The following LRRK1 variants were observed in gnomAD, a reference collection of about 807,000 sequenced individuals.
LRRK1 encodes the protein leucine-rich repeat serine/threonine-protein kinase 1.
LRRK1 carries 113 observed loss-of-function variants against 209.1 expected under a neutral mutation model. The ratio of observed to expected loss-of-function variants is 0.54; its 90% CI spans 0.46 to 0.63. The LOEUF is 0.63. Among genes scored for constraint, LRRK1 ranks in the 30% least tolerant of loss-of-function variants. The probability of loss-of-function intolerance (pLI) is 0.00; values close to 1 mark genes in which losing one functional copy is unlikely to be tolerated. For missense variants in LRRK1, 2,284 were observed against 2,632.2 expected, an observed-to-expected ratio of 0.87 and a Z score of 2.89; for synonymous variants, 1,144 against 1,099.7, an observed-to-expected ratio of 1.04 and a Z score of -0.80.
chr15:101,010,780 T>C lies in LRRK1; in HGVS notation c.1224T>C (p.Ser408=). The change falls in exon 9 of 34, where the codon TCT becomes TCC. Residue 408 remains serine (S), a synonymous_variant. Coordinates refer to ENST00000388948, the MANE Select transcript of LRRK1 (RefSeq NM_024652.6). ...LFLHSFKSLN[S]LNVSRNNLKV... ...TTCACTCTTTCAAGTCCCTCAATTC[T>C]CTGAATGTCTCCAGAAACAACCTGA... is the stretch of plus-strand genomic sequence containing the variant. 6.2e-7 allele frequency: 1 copy of C among 1,614,024 alleles called. No homozygotes were observed. Among genetic ancestry groups the C allele is most frequent in the South Asian group, 1.1e-5 (1 of 91,070 alleles).
rs1232996893 is a variant in LRRK1 at position 101,072,076 on chromosome 15, T to A, written c.*3228T>A. On this transcript the variant is annotated 3_prime_UTR_variant, in exon 34 of 34. Transcript: ENST00000388948. ...AAGCTCCTGGCAGTTTTAAGCAGGA[T>A]TATTAGATGATTCAGTCAACTTTAC... 1 of 152,186 alleles carries A rather than the reference T, an allele frequency of 6.6e-6. No homozygotes were observed. The highest frequency in any genetic ancestry group is 2.4e-5 in the African/African-American group (1 of 41,440). The allele number at this position is 152,186 out of a possible 1,614,324, so 9.4% of individuals were successfully genotyped here. A position where few individuals can be genotyped will look rare whatever the true frequency, so the allele number is the denominator to read the frequency against.
chr15:101,036,377 C>A (rs1452005831), intron 20 of LRRK1, among the ~76,000 whole-genome samples: 1 of 151,892 alleles, frequency 6.6e-6, no homozygotes, highest in Non-Finnish European at 1.5e-5. Flanking sequence ...CTTGATCTAG[C>A]CTATTGTTGA....
At chr15:100,971,421 G>C (rs2030880698) in intron 2 of LRRK1, among the ~76,000 whole-genome samples, 1 of 152,114 alleles carries the variant, frequency 6.6e-6, no homozygotes, top group Non-Finnish European at 1.5e-5. Flanking sequence ...TTTCAGAGAG[G>C]CAGCACAAAG....
In LRRK1 at chr15:101,072,634, GA is replaced by G; in HGVS notation, c.*3791del. 6.4e-6 allele frequency: 1 copy of G among 155,448 alleles called. No individual in the cohort carries two copies. Among genetic ancestry groups the G allele is most frequent in the Non-Finnish European group, 1.4e-5 (1 of 70,588 alleles). 9.6% of individuals were successfully genotyped at this position (155,448 alleles called of 1,614,324 possible). A position where few individuals can be genotyped will look rare whatever the true frequency, so the allele number is the denominator to read the frequency against. On this transcript the variant is annotated 3_prime_UTR_variant, in exon 34 of 34. Transcript: ENST00000388948. The stretch of plus-strand genomic sequence containing the variant: ...GATGACATTCCACCACAAAAGAAGT[GA>G]AAAAGGCCGGTCCTTGACTTAACTG...
At chr15:100,955,781 G>A (rs991247998) in intron 2 of LRRK1, among the ~76,000 whole-genome samples, 3 of 152,056 alleles carry the variant, frequency 2.0e-5, no homozygotes, top group East Asian at 3.9e-4. Flanking sequence ...TTAATGTGGT[G>A]TATCGTGTCT....
At chr15:100,972,969 G>C (rs2141651882) in intron 2 of LRRK1, among the ~76,000 whole-genome samples, 1 of 152,178 alleles carries the variant, frequency 6.6e-6, no homozygotes, top group South Asian at 2.1e-4. Context: ...GGGTGTTCAG[G>C]GAACTTCGGA....
chr15:101,022,455 T>C lies in LRRK1; in HGVS notation c.1925T>C (p.Ile642Thr). The C allele has an allele frequency of 6.2e-7, 1 of 1,614,228 alleles. No homozygotes were observed. The highest frequency in any genetic ancestry group is 8.5e-7 in the Non-Finnish European group (1 of 1,180,040). Residue 642 changes from isoleucine (I) to threonine (T), a missense_variant, in exon 15 of 34, where the codon ATC becomes ACC. This residue lies in a region of LRRK1 where 494 missense variants were observed against 522.1 expected (regional missense o/e 0.95). Transcript: ENST00000388948. This position sits in a 1 kb window ranked among gnomAD's most constrained non-coding sequence, Gnocchi z 4.0. ...KAEKCKLMKM[I>T]IVGPPRQGKS... Reference sequence around the variant, plus strand: ...GAAAAGTGCAAGCTGATGAAGATGATCATCGTGGGTCCCCCGCGCCAGGGC... The same window carrying C: ...GAAAAGTGCAAGCTGATGAAGATGACCATCGTGGGTCCCCCGCGCCAGGGC...
At position 101,029,175 on chromosome 15, in the gene LRRK1, A is replaced by G; in HGVS notation, c.2906A>G (p.Glu969Gly). 6.2e-7 allele frequency: 1 copy of G among 1,614,076 alleles called. No individual in the cohort carries two copies. The highest frequency in any genetic ancestry group is 8.5e-7 in the Non-Finnish European group (1 of 1,179,932). ...ACTGGCTTCACGCAGCAGACGGAAG[A>G]GCAGTACTTCCAGTTCCTGGCCAAG... ...VGTGFTQQTE[E>G]QYFQFLAKFE... The change falls in exon 20 of 34, where the codon GAG (glutamate) becomes GGG (glycine). Residue 969 changes from glutamate to glycine, a missense_variant. Physicochemically the swap from Glu to Gly is moderately conservative, Grantham distance 98. Transcript: ENST00000388948.
At chr15:101,004,792 G>A (rs2032865438) in intron 6 of LRRK1, among the ~76,000 whole-genome samples, 1 of 152,250 alleles carries the variant, frequency 6.6e-6, no homozygotes, top group Non-Finnish European at 1.5e-5. Flanking sequence ...TGGAGGAGGT[G>A]CTGAGAGGGA....
Position 101,070,299 on chromosome 15 carries a change from C to T in LRRK1, c.*1451C>T, listed in dbSNP as rs1262320425. On this transcript the variant is annotated 3_prime_UTR_variant, in exon 34 of 34. Coordinates refer to ENST00000388948, the MANE Select transcript of LRRK1 (RefSeq NM_024652.6). ...AGTCACAGGCTTGGAAAAAGCGAGT[C>T]CCCCCACTCTTTTTTTTTTTTTTTT... 4 of 147,788 alleles carry T rather than the reference C, an allele frequency of 2.7e-5. No individual in the cohort carries two copies. Among genetic ancestry groups the T allele is most frequent in the South Asian group, 2.2e-4 (1 of 4,638 alleles). 9.2% of individuals were successfully genotyped at this position (147,788 alleles called of 1,614,324 possible).
chr15:100,982,863 G>A (rs1329235570), intron 3 of LRRK1, among the ~76,000 whole-genome samples: 2 of 152,222 alleles, frequency 1.3e-5, no homozygotes, highest in Non-Finnish European at 2.9e-5. Context: ...GCAAATGCGA[G>A]CCACATGTAT....
chr15:101,064,568 C>G (rs922804481), intron 31 of LRRK1: 2 of 153,004 alleles, frequency 1.3e-5, no homozygotes, highest in Non-Finnish European at 2.9e-5. Context: ...TAGAAGAGCT[C>G]ATGCTTCATT....
intron 2 of LRRK1, among the ~76,000 whole-genome samples, chr15:100,968,786 T>TCCTTCC (rs527686938): frequency 8.1e-4 from 117 of 143,800 alleles, no homozygotes; most frequent in East Asian, 2.5e-3. Flanking sequence ...CCTTCCCCTT[T>TCCTTCC]CCTTCCCCTT....
chr15:101,045,791 A>G (rs765845086), intron 20 of LRRK1, among the ~76,000 whole-genome samples, 190 bp from the exon 21 acceptor site: 7 of 152,210 alleles, frequency 4.6e-5, no homozygotes, highest in Non-Finnish European at 8.8e-5. Context: ...CCTTTGGAGT[A>G]TTTATTCTTA....
intron 2 of LRRK1, among the ~76,000 whole-genome samples, chr15:100,941,436 G>GTGTGTCTGTGTCTC (rs2042426107): frequency 0.014 from 119 of 8,814 alleles, 13 homozygotes; most frequent in African/African-American, 0.022. Context: ...GTCTGTGTGT[G>GTGTGTCTGTGTCTC]TGTGTGTGTC....
At position 100,947,723 on chromosome 15, in the gene LRRK1, G is replaced by A. The variant is rs377746572; in HGVS notation, c.97+22994G>A. On this transcript the variant is annotated intron_variant, in intron 2 of 33. Coordinates refer to ENST00000388948, the MANE Select transcript of LRRK1 (RefSeq NM_024652.6). ...AGGAAAAACTGGAAATGCCCTAAAT[G>A]TTCATCCATGAAGACAGGAAGCTAT... 1.0e-3 allele frequency among the ~76,000 whole-genome samples: 154 copies of A among 152,306 alleles called. 3 individuals carry two copies. Among genetic ancestry groups the A allele is most frequent in the African/African-American group, 3.6e-3 (151 of 41,544 alleles).
chr15:101,042,944 C>A (rs994717592), intron 20 of LRRK1, among the ~76,000 whole-genome samples: 5 of 152,206 alleles, frequency 3.3e-5, no homozygotes. Flanking sequence ...GAGGGCCAGG[C>A]TGGGGGAGCA....
rs189718876 is a variant in LRRK1, at chr15:100,982,426, T to G, written c.262-1102T>G. ...AGGCCACTTTTACACTGGTCAATGA[T>G]AGCCACTTACTAGCTATGTGGTCTT... is the stretch of plus-strand genomic sequence containing the variant. On this transcript the variant is annotated intron_variant, in intron 3 of 33. Coordinates refer to ENST00000388948, the MANE Select transcript of LRRK1 (RefSeq NM_024652.6). 7.8e-3 allele frequency among the ~76,000 whole-genome samples: 1,189 copies of G among 152,376 alleles called. 16 individuals carry two copies. Among genetic ancestry groups the G allele is most frequent in the African/African-American group, 0.027 (1,142 of 41,596 alleles).
chr15:101,066,256 C>T (rs1200654890), intron 32 of LRRK1, 51 bp downstream of exon 32: 1 of 1,549,650 alleles, frequency 6.5e-7, no homozygotes. Context: ...ACTGCTCCTG[C>T]TCTGGGGACA....
Sources: allele counts gnomAD v4.1 joint callset (sites outside exome capture counted in the v4.1 genomes callset), GRCh38; gene constraint gnomAD v4.1.1; regional missense constraint gnomAD v4.1.1; non-coding constraint Gnocchi (gnomAD v3.1); transcripts MANE v1.5; gene names NCBI Gene and HGNC (gene_info 2026-07-23, HGNC 2026-07-21).